CDK17: variants seen among roughly 807,000 people sequenced by gnomAD.
CDK17 encodes the protein cyclin dependent kinase 17.
A neutral mutation model predicts 77.6 loss-of-function variants in CDK17; 24 were observed. The observed-to-expected ratio is 0.31, with a 90% CI of 0.22 to 0.44. The LOEUF is 0.44. Ranked by LOEUF, CDK17 falls within the 20% of genes least tolerant of loss-of-function variation. CDK17 has a pLI of 1.00. For synonymous variants in CDK17, 203 were observed against 210.4 expected (o/e 0.96, Z 0.30); for missense variants, 429 against 622.5 (o/e 0.69, Z 3.31).
intron 1 of CDK17, among the ~76,000 whole-genome samples, chr12:96,373,947 TC>T (rs1445892239): frequency 6.6e-6 from 1 of 151,952 alleles, no homozygotes; most frequent in Non-Finnish European, 1.5e-5. Context: ...AGACTCCGTC[TC>T]AAAAAAACAA....
intron 1 of CDK17, among the ~76,000 whole-genome samples, chr12:96,339,066 T>C (rs1953086840): frequency 6.6e-6 from 1 of 152,044 alleles, no homozygotes; most frequent in Admixed American, 6.6e-5. Context: ...TGCCACACCA[T>C]TTTTGAATGA....
At chr12:96,327,356 C>T (rs1327784511) in intron 2 of CDK17, among the ~76,000 whole-genome samples, 1 of 151,996 alleles carries the variant, frequency 6.6e-6, no homozygotes, top group African/African-American at 2.4e-5. Context: ...TACTACAGTA[C>T]CCTAAGTAAC....
chr12:96,310,539 G>C (rs1273456908), intron 5 of CDK17, among the ~76,000 whole-genome samples: 1 of 151,928 alleles, frequency 6.6e-6, no homozygotes, highest in Non-Finnish European at 1.5e-5. Context: ...GCATCAGAAG[G>C]CAGAGAGTAT....
At chr12:96,384,477 T>C (rs535837813) in intron 1 of CDK17, among the ~76,000 whole-genome samples, 13 of 152,302 alleles carry the variant, frequency 8.5e-5, no homozygotes, top group Middle Eastern at 3.4e-3. Context: ...GGCGGCACTA[T>C]TCACAATAGC....
At chr12:96,387,393 A>C (rs781291288) in intron 1 of CDK17, among the ~76,000 whole-genome samples, 1 of 152,232 alleles carries the variant, frequency 6.6e-6, no homozygotes, top group Non-Finnish European at 1.5e-5. Flanking sequence ...TAAAAACCCA[A>C]ACCCAGAGAT....
At chr12:96,369,111 G>A (rs1953648560) in intron 1 of CDK17, among the ~76,000 whole-genome samples, 1 of 151,468 alleles carries the variant, frequency 6.6e-6, no homozygotes. Flanking sequence ...ACTAACTCAG[G>A]ACCAGTCCAC....
intron 1 of CDK17, among the ~76,000 whole-genome samples, chr12:96,393,766 T>C (rs969522029): frequency 6.6e-6 from 1 of 151,342 alleles, no homozygotes; most frequent in Non-Finnish European, 1.5e-5. Flanking sequence ...ACATACTCAA[T>C]GAAAAGCTTC....
At chr12:96,391,141 G>A (rs1334204408) in intron 1 of CDK17, among the ~76,000 whole-genome samples, 1 of 151,726 alleles carries the variant, frequency 6.6e-6, no homozygotes, top group Non-Finnish European at 1.5e-5. Flanking sequence ...AACTACCACA[G>A]CAGAATGAAT....
chr12:96,386,630 C>G (rs918445318), intron 1 of CDK17, among the ~76,000 whole-genome samples: 1 of 151,888 alleles, frequency 6.6e-6, no homozygotes, highest in Non-Finnish European at 1.5e-5. Context: ...TGCATTCCAG[C>G]CTGGGAGACA....
chr12:96,369,584 C>A (rs1349513010), intron 1 of CDK17, among the ~76,000 whole-genome samples: 4 of 152,042 alleles, frequency 2.6e-5, no homozygotes, highest in Non-Finnish European at 5.9e-5. Flanking sequence ...TTGAGACTAG[C>A]CTGGACAACA....
chr12:96,354,686 G>C (rs1953367715), intron 1 of CDK17, among the ~76,000 whole-genome samples: 1 of 152,080 alleles, frequency 6.6e-6, no homozygotes, highest in African/African-American at 2.4e-5. Context: ...TCCAAGACCA[G>C]CCTTGGCAAC....
chr12:96,346,488 C>T (rs1272612451), intron 1 of CDK17, among the ~76,000 whole-genome samples: 2 of 151,562 alleles, frequency 1.3e-5, no homozygotes, highest in East Asian at 2.0e-4. Context: ...ATTAGCCAGG[C>T]GTAGTGGCGT....
At chr12:96,300,537 C>A (rs998478412) in intron 5 of CDK17, among the ~76,000 whole-genome samples, 177 bp from the exon 6 acceptor site, 39 of 152,170 alleles carry the variant, frequency 2.6e-4, no homozygotes, top group Middle Eastern at 3.4e-3. Context: ...GCTGGGATTA[C>A]AGGCACGCAG....
chr12:96,290,850 T>A lies in CDK17; in HGVS notation c.998-1563A>T, dbSNP rs372370441. Among the ~76,000 whole-genome samples, 29 of 152,330 alleles carry A rather than the reference T, an allele frequency of 1.9e-4. No individual in the cohort carries two copies. The Middle Eastern group carries it at 0.014, about 71-fold the overall frequency. ...AACTATGGTGTTTGTGTACATGGCC[T>A]TCTAGTTCACAATTAGAATTTCAAT... On this transcript the variant is annotated intron_variant, in intron 10 of 16. Coordinates refer to ENST00000261211, the MANE Select transcript of CDK17 (RefSeq NM_002595.5).
chr12:96,326,823 A>G (rs2137130357), intron 2 of CDK17, among the ~76,000 whole-genome samples: 1 of 152,344 alleles, frequency 6.6e-6, no homozygotes. Flanking sequence ...CAACAGTGGT[A>G]CCAGGTGAGA....
intron 7 of CDK17, among the ~76,000 whole-genome samples, chr12:96,298,487 T>A (rs561442813): frequency 3.6e-4 from 55 of 152,304 alleles, no homozygotes; most frequent in African/African-American, 1.3e-3. Flanking sequence ...ACATTACTAA[T>A]CAGTTGCCTC....
At chr12:96,339,078 C>G (rs112300059) in intron 1 of CDK17, among the ~76,000 whole-genome samples, 4,521 of 152,034 alleles carry the variant, frequency 0.03, 102 homozygotes, top group South Asian at 0.052. Context: ...TTTGAATGAC[C>G]CTTTTGCTAT....
chr12:96,343,792 C>T (rs2137158825), intron 1 of CDK17, among the ~76,000 whole-genome samples: 1 of 152,306 alleles, frequency 6.6e-6, no homozygotes, highest in Non-Finnish European at 1.5e-5. Context: ...ACTACAGTGG[C>T]TAGGTCTCAA....
At chr12:96,374,680 C>T (rs1166707815) in intron 1 of CDK17, among the ~76,000 whole-genome samples, 2 of 152,036 alleles carry the variant, frequency 1.3e-5, no homozygotes, top group Non-Finnish European at 2.9e-5. Flanking sequence ...TCTGTGGAAA[C>T]CAGGAAAAGG....
Sources: allele counts gnomAD v4.1 joint callset (sites outside exome capture counted in the v4.1 genomes callset), GRCh38; gene constraint gnomAD v4.1.1; transcripts MANE v1.5; gene names NCBI Gene and HGNC (gene_info 2026-07-23, HGNC 2026-07-21).